Variants in VCL observed in about 807,000 individuals in gnomAD.
The protein encoded by VCL is vinculin.
A neutral mutation model predicts 125.7 loss-of-function variants in VCL; 47 were observed. The ratio of observed to expected loss-of-function variants is 0.37; its 90% CI spans 0.30 to 0.48. The LOEUF (loss-of-function observed/expected upper bound fraction) is 0.48, where lower values mean the gene tolerates loss of function less well. Ranked by LOEUF, VCL falls within the 20% of genes least tolerant of loss-of-function variation. The pLI is 0.99. For missense variants in VCL, 1,069 were observed against 1,455.5 expected (o/e 0.73, Z 4.32); for synonymous variants, 458 against 514.6 (o/e 0.89, Z 1.49).
In VCL at chr10:74,118,289, C is replaced by A; in HGVS notation, c.*120C>A. 7.8e-6 allele frequency: 10 copies of A among 1,277,706 alleles called. No individual in the cohort carries two copies. The highest frequency in any genetic ancestry group is 1.1e-5 in the Non-Finnish European group (10 of 900,770). 79.1% of individuals were successfully genotyped at this position (1,277,706 alleles called of 1,614,324 possible). Reference sequence around the variant, plus strand: ...AAAATCACATCCTGGCCTGGCACATCAGAAAGGAATGGGGGCCTCTTCAAA... The same window carrying A: ...AAAATCACATCCTGGCCTGGCACATAAGAAAGGAATGGGGGCCTCTTCAAA... On this transcript the variant is annotated 3_prime_UTR_variant, in exon 22 of 22. Transcript: ENST00000211998.
chr10:74,105,184 T>C lies in VCL; in HGVS notation c.2265T>C (p.Ser755=), dbSNP rs147887754. 4.3e-6 allele frequency: 7 copies of C among 1,614,008 alleles called. No individual in the cohort carries two copies. The African/African-American group carries it at 9.3e-5, about 22-fold the overall frequency. ...AGATGCTGGTTGCTGGGGCAACCAG[T>C]ATTGCTCGTCGGGCCAACCGGATCC... The part of the protein sequence containing the change: ...QPQMLVAGAT[S]IARRANRILL... The change falls in exon 16 of 22, where the codon AGT becomes AGC. Residue 755 remains serine (S), a synonymous_variant. Coordinates refer to ENST00000211998, the MANE Select transcript of VCL (RefSeq NM_014000.3).
At chr10:74,017,118 G>A (rs113794844) in intron 1 of VCL, among the ~76,000 whole-genome samples, 19,524 of 139,636 alleles carry the variant, frequency 0.14, 1,417 homozygotes, top group East Asian at 0.19. Context: ...CGGGATCTCG[G>A]CTCACTGCAA....
chr10:74,064,171 A>G (rs1034084892), intron 2 of VCL, among the ~76,000 whole-genome samples: 1 of 152,164 alleles, frequency 6.6e-6, no homozygotes, highest in Non-Finnish European at 1.5e-5. Flanking sequence ...CTTTACTCAA[A>G]TAGTTACCAG....
At chr10:74,042,281 G>A (rs11594818) in intron 1 of VCL, among the ~76,000 whole-genome samples, 23,062 of 152,170 alleles carry the variant, frequency 0.15, 1,833 homozygotes, top group East Asian at 0.22. Context: ...TGTTGGAGGA[G>A]TTATTTATGA....
chr10:74,114,267 C>A lies in VCL; in HGVS notation c.3033C>A (p.Thr1011=). The A allele has an allele frequency of 6.2e-7, 1 of 1,614,114 alleles. No individual in the cohort carries two copies. The highest frequency in any genetic ancestry group is 8.5e-7 in the Non-Finnish European group (1 of 1,180,036). ...MSRLVRGGSG[T]KRALIQCAKD... ...GGCTGGTAAGAGGGGGCAGTGGTAC[C>A]AAGCGGGCACTCATTCAGTGTGCCA... The change falls in exon 20 of 22, where the codon ACC becomes ACA. Residue 1011 remains threonine (T), a synonymous_variant. Coordinates refer to ENST00000211998, the MANE Select transcript of VCL (RefSeq NM_014000.3).
chr10:74,011,085 C>T (rs1198232628), intron 1 of VCL, among the ~76,000 whole-genome samples: 3 of 142,266 alleles, frequency 2.1e-5, no homozygotes, highest in Non-Finnish European at 4.5e-5. Flanking sequence ...GCAGGAGAAT[C>T]GTTTGAACCC....
chr10:74,025,430 A>C (rs937272184), intron 1 of VCL, among the ~76,000 whole-genome samples: 4 of 151,948 alleles, frequency 2.6e-5, no homozygotes, highest in African/African-American at 9.7e-5. Flanking sequence ...CCTAGGCAAC[A>C]TGATGAAACC....
At chr10:74,114,686 G>A in intron 20 of VCL, 109 bp from the exon 21 acceptor site, 4 of 1,181,264 alleles carry the variant, frequency 3.4e-6, no homozygotes, top group South Asian at 1.3e-5. Context: ...TTTATCGAGT[G>A]CCTTTTCTGT....
rs767059397 is a variant in VCL, at chr10:74,083,530, C to T, written c.1022+17C>T. 1.4e-5 allele frequency: 23 copies of T among 1,612,978 alleles called. No homozygotes were observed. Among genetic ancestry groups the T allele is most frequent in the Non-Finnish European group, 1.9e-5 (22 of 1,179,460 alleles). ...CCGTGCCAGGTAAAAGTTCCTCTGT[C>T]CTTACAGAGCAGTAGTGGGTAACTC... is the stretch of plus-strand genomic sequence containing the variant. On this transcript the variant is annotated intron_variant, in intron 8 of 21. Coordinates refer to ENST00000211998, the MANE Select transcript of VCL (RefSeq NM_014000.3).
intron 8 of VCL, among the ~76,000 whole-genome samples, chr10:74,083,991 C>T (rs183349145): frequency 3.3e-4 from 51 of 152,290 alleles, no homozygotes; most frequent in Middle Eastern, 3.4e-3. Flanking sequence ...CTCAACCTCC[C>T]GAGTAGCTGG....
At position 74,109,126 on chromosome 10, in the gene VCL, C is replaced by T. The variant is rs778360845; in HGVS notation, c.2715C>T (p.Leu905=). The stretch of plus-strand genomic sequence containing the variant: ...CAATGATGATGGCTGCCAGACAGCT[C>T]CATGATGAAGCTCGCAAATGGTCCA... The part of the protein sequence containing the change: ...NQPMMMAARQ[L]HDEARKWSSK... The change falls in exon 18 of 22, where the codon CTC becomes CTT. Residue 905 remains leucine (L), a synonymous_variant. Transcript: ENST00000211998. The T allele has an allele frequency of 6.2e-7, 1 of 1,613,970 alleles. No individual in the cohort carries two copies. The highest frequency in any genetic ancestry group is 1.1e-5 in the South Asian group (1 of 91,050).
chr10:74,019,508 G>A (rs1840621406), intron 1 of VCL, among the ~76,000 whole-genome samples: 1 of 151,978 alleles, frequency 6.6e-6, no homozygotes, highest in African/African-American at 2.4e-5. Flanking sequence ...TGGTAGTATT[G>A]AGGAAGATAG....
At chr10:74,101,862 C>CTTT (rs561525230) in intron 14 of VCL, among the ~76,000 whole-genome samples, 3 of 133,018 alleles carry the variant, frequency 2.3e-5, no homozygotes, top group Non-Finnish European at 3.3e-5. Flanking sequence ...TTTGGATAAT[C>CTTT]TTTTTTTTTT....
At chr10:74,017,941 T>C (rs984239582) in intron 1 of VCL, among the ~76,000 whole-genome samples, 10 of 151,396 alleles carry the variant, frequency 6.6e-5, no homozygotes, top group African/African-American at 2.4e-4. Context: ...GGCAGATTGC[T>C]TGAGCGTAGA....
intron 2 of VCL, among the ~76,000 whole-genome samples, chr10:74,061,906 AC>A (rs1315067136): frequency 1.4e-5 from 1 of 70,078 alleles, no homozygotes; most frequent in Non-Finnish European, 2.9e-5. Context: ...TAACCAATCT[AC>A]TTTTTTTTTT....
Position 74,010,814 on chromosome 10 carries a change from A to G in VCL, c.168+12439A>G, listed in dbSNP as rs1021424312. ...GAAACTGCTGCTTCAGAAAATATGA[A>G]ATGAAATAACTTCAAGATAATGAGC... On this transcript the variant is annotated intron_variant, in intron 1 of 21. Coordinates refer to ENST00000211998, the MANE Select transcript of VCL (RefSeq NM_014000.3). Among the ~76,000 whole-genome samples the G allele has an allele frequency of 5.3e-4, 81 of 152,190 alleles. 2 individuals carry two copies. The highest frequency in any genetic ancestry group is 2.1e-4 in the Non-Finnish European group (14 of 68,036).
At chr10:74,106,441 C>A (rs780393651) in intron 16 of VCL, among the ~76,000 whole-genome samples, 1 of 152,166 alleles carries the variant, frequency 6.6e-6, no homozygotes, top group African/African-American at 2.4e-5. Context: ...AGGCCCTACA[C>A]CTAAAGAAAA....
intron 4 of VCL, among the ~76,000 whole-genome samples, chr10:74,072,112 T>G (rs1841670908): frequency 6.6e-6 from 1 of 152,190 alleles, no homozygotes; most frequent in Non-Finnish European, 1.5e-5. Flanking sequence ...CATAGCGCCT[T>G]TGAATAACAA....
In VCL at chr10:74,097,531, A is replaced by C. The variant is rs74146325; in HGVS notation, c.1872+199A>C. On this transcript the variant is annotated intron_variant, in intron 13 of 21. Transcript: ENST00000211998. The surrounding 1 kb of genome is among the most constrained non-coding windows in gnomAD (Gnocchi z 4.1). ...GTGAGGAATATCTTTAGTTGCAAGC[A>C]ATAGAAGACCTGACCATCAGAGATG... Among the ~76,000 whole-genome samples the C allele has an allele frequency of 0.038, 5,839 of 152,304 alleles. 420 individuals carry two copies. The highest frequency in any genetic ancestry group is 0.13 in the African/African-American group (5,480 of 41,536).
Sources: gnomAD v4.1 joint callset for allele counts (sites outside exome capture counted in the v4.1 genomes callset) on GRCh38, gnomAD v4.1.1 for gene constraint, Gnocchi (gnomAD v3.1) non-coding constraint, MANE v1.5 for transcripts, NCBI Gene and HGNC (gene_info 2026-07-23, HGNC 2026-07-21) for gene names.